The following RAB27A variants were observed in gnomAD, a reference collection of about 807,000 sequenced individuals.
RAB27A encodes the protein RAB27A, member RAS oncogene family, also known as ras-related protein Rab-27A.
A neutral mutation model predicts 20.8 loss-of-function variants in RAB27A; 17 were observed. The ratio of observed to expected loss-of-function variants is 0.82; its 90% CI spans 0.56 to 1.23. The LOEUF (loss-of-function observed/expected upper bound fraction) is 1.23. Ranked by LOEUF, RAB27A falls within the 50% of genes most tolerant of loss-of-function variation. The pLI is 0.00. For synonymous variants in RAB27A, 85 were observed against 92.8 expected (o/e 0.92, Z 0.48); for missense variants, 277 against 266.7 (o/e 1.04, Z -0.27).
chr15:55,279,864 T>A (rs570020498), intron 1 of RAB27A, among the ~76,000 whole-genome samples: 1 of 152,246 alleles, frequency 6.6e-6, no homozygotes, highest in Admixed American at 6.5e-5. Flanking sequence ...AAGGCCGAGG[T>A]CAGCAGCCTT....
At chr15:55,249,946 GA>G (rs1276382713) in intron 2 of RAB27A, among the ~76,000 whole-genome samples, 1 of 151,962 alleles carries the variant, frequency 6.6e-6, no homozygotes, top group African/African-American at 2.4e-5. Context: ...AACTTATTAA[GA>G]TTTTTTTTTC....
intron 1 of RAB27A, among the ~76,000 whole-genome samples, chr15:55,315,451 A>G (rs908447050): frequency 1.3e-5 from 2 of 152,208 alleles, no homozygotes; most frequent in African/African-American, 4.8e-5. Flanking sequence ...AAAAGAAACT[A>G]TCGTGAGAGT....
chr15:55,297,568 C>G (rs1234246319), intron 2 of RAB27A, among the ~76,000 whole-genome samples: 1 of 152,244 alleles, frequency 6.6e-6, no homozygotes, highest in African/African-American at 2.4e-5. Context: ...GGCCTCTTAC[C>G]AGTGCCATCC....
At chr15:55,245,596 T>C (rs1896656177) in intron 2 of RAB27A, among the ~76,000 whole-genome samples, 1 of 152,190 alleles carries the variant, frequency 6.6e-6, no homozygotes. Flanking sequence ...AACAGTGATG[T>C]TGAGGCAGCA....
chr15:55,238,862 A>T (rs558756155), intron 2 of RAB27A, among the ~76,000 whole-genome samples: 10 of 144,156 alleles, frequency 6.9e-5, no homozygotes, highest in Admixed American at 2.7e-4. Flanking sequence ...AGAGGTTCAA[A>T]TCCATATAAA....
At chr15:55,295,035 T>C (rs2054942700) in intron 2 of RAB27A, among the ~76,000 whole-genome samples, 1 of 152,110 alleles carries the variant, frequency 6.6e-6, no homozygotes. Context: ...ATGAATACAA[T>C]TGAATATACA....
intron 2 of RAB27A, among the ~76,000 whole-genome samples, chr15:55,269,261 A>T (rs1184573998): frequency 6.6e-6 from 1 of 152,200 alleles, no homozygotes; most frequent in Non-Finnish European, 1.5e-5. Flanking sequence ...GAAATCTCCC[A>T]TCACACTCAC....
At chr15:55,225,743 A>C (rs1415139012) in intron 5 of RAB27A, among the ~76,000 whole-genome samples, 2 of 152,200 alleles carry the variant, frequency 1.3e-5, no homozygotes, top group African/African-American at 4.8e-5. Context: ...TTTTCTACTA[A>C]GATTGTGCTT....
At chr15:55,290,220 G>GTAGC (rs1397365888), upstream of RAB27A, 2 of 152,154 alleles carry the variant, frequency 1.3e-5, no homozygotes, top group Non-Finnish European at 2.9e-5. Context: ...GGTCGCCACC[G>GTAGC]TAGCAGCCGG....
intron 6 of RAB27A, among the ~76,000 whole-genome samples, chr15:55,215,255 C>T (rs1033930857): frequency 2.6e-5 from 4 of 152,184 alleles, no homozygotes; most frequent in Non-Finnish European, 5.9e-5. Context: ...CTGAAAATTA[C>T]TTCACCATCA....
chr15:55,298,641 G>A (rs1461297919), intron 2 of RAB27A, among the ~76,000 whole-genome samples: 1 of 152,174 alleles, frequency 6.6e-6, no homozygotes, highest in Non-Finnish European at 1.5e-5. Flanking sequence ...CAACCAGTCT[G>A]ACCAAAATTA....
At chr15:55,308,708 C>T (rs1236618610) in intron 2 of RAB27A, among the ~76,000 whole-genome samples, 5 of 152,218 alleles carry the variant, frequency 3.3e-5, no homozygotes, top group South Asian at 2.1e-4. Context: ...AATGCGCAGT[C>T]GCAGCACTGG....
intron 6 of RAB27A, among the ~76,000 whole-genome samples, chr15:55,207,359 A>G (rs1446479182): frequency 2.6e-4 from 39 of 152,242 alleles, no homozygotes; most frequent in Admixed American, 2.6e-3. Context: ...TACATGAGAC[A>G]TCAGCAATCC....
chr15:55,297,343 T>C (rs2054954112), intron 2 of RAB27A, among the ~76,000 whole-genome samples: 4 of 152,260 alleles, frequency 2.6e-5, no homozygotes, highest in Admixed American at 2.6e-4. Context: ...GAGAATTTCT[T>C]GTGGGTTATT....
At chr15:55,270,741 G>T (rs1456123554) in intron 1 of RAB27A, 1 of 152,158 alleles carries the variant, frequency 6.6e-6, no homozygotes, top group East Asian at 1.9e-4. Context: ...GGAGGGATGG[G>T]GCTAGATTAC....
chr15:55,277,623 A>G (rs578246653), intron 1 of RAB27A, among the ~76,000 whole-genome samples: 4 of 152,278 alleles, frequency 2.6e-5, no homozygotes, highest in Admixed American at 2.6e-4. Context: ...ACTGTTTTTA[A>G]TTGACAAGGC....
intron 6 of RAB27A, among the ~76,000 whole-genome samples, chr15:55,215,371 G>C (rs964253859): frequency 3.9e-5 from 6 of 152,072 alleles, no homozygotes; most frequent in African/African-American, 1.2e-4. Flanking sequence ...AGTCATAACC[G>C]GCCGGGCGCG....
At chr15:55,236,048 A>G (rs961516566) in intron 2 of RAB27A, among the ~76,000 whole-genome samples, 1 of 152,070 alleles carries the variant, frequency 6.6e-6, no homozygotes, top group African/African-American at 2.4e-5. Context: ...AAAAGACTAC[A>G]GATTGAATAC....
upstream of RAB27A, among the ~76,000 whole-genome samples, chr15:55,290,690 T>A (rs932450265): frequency 1.3e-5 from 2 of 152,212 alleles, no homozygotes; most frequent in Admixed American, 6.5e-5. Flanking sequence ...AACCTGGGAC[T>A]GCGTAGGGGG....
Sources: allele counts gnomAD v4.1 joint callset (sites outside exome capture counted in the v4.1 genomes callset), GRCh38; gene constraint gnomAD v4.1.1; transcripts MANE v1.5; gene names NCBI Gene and HGNC (gene_info 2026-07-23, HGNC 2026-07-21).